AKAP9: variants seen among roughly 807,000 people sequenced by gnomAD.
The protein encoded by AKAP9 is A-kinase anchoring protein 9.
AKAP9 carries 311 observed loss-of-function variants against 488.5 expected under a neutral mutation model. The observed-to-expected ratio is 0.64, with a 90% CI of 0.58 to 0.70. The LOEUF (loss-of-function observed/expected upper bound fraction) is 0.70, where lower values mean the gene tolerates loss of function less well. Ranked by LOEUF, AKAP9 falls within the 30% of genes least tolerant of loss-of-function variation. The pLI is 0.00. For missense variants in AKAP9, 4,215 were observed against 4,374.5 expected (o/e 0.96, Z 1.03); for synonymous variants, 1,462 against 1,483.5 (o/e 0.99, Z 0.33).
intron 16 of AKAP9, among the ~76,000 whole-genome samples, chr7:92,035,625 T>TA (rs34999518): frequency 0.014 from 2,188 of 152,318 alleles, 45 homozygotes; most frequent in African/African-American, 0.05. Flanking sequence ...GTGAATTTTT[T>TA]AAAAAAATAG....
At chr7:92,014,468 A>G (rs764779129) in intron 10 of AKAP9, 140 bp downstream of exon 10, 38 of 665,858 alleles carry the variant, frequency 5.7e-5, no homozygotes, top group Non-Finnish European at 9.4e-5. Context: ...TCTCTACCAA[A>G]AAATACAAAA....
At chr7:91,953,115 A>G (rs891404398) in intron 1 of AKAP9, among the ~76,000 whole-genome samples, 8 of 152,236 alleles carry the variant, frequency 5.3e-5, no homozygotes, top group African/African-American at 1.9e-4. Flanking sequence ...AGTACAAATG[A>G]CAGACAGTGA....
intron 1 of AKAP9, among the ~76,000 whole-genome samples, chr7:91,971,408 T>G (rs1795055744): frequency 6.6e-6 from 1 of 152,114 alleles, no homozygotes; most frequent in Admixed American, 6.6e-5. Context: ...CTAATTTCCT[T>G]TAAACTGCTG....
At chr7:92,102,472 C>G (rs1401410296) in intron 45 of AKAP9, 122 bp from the exon 46 acceptor site, 4 of 701,166 alleles carry the variant, frequency 5.7e-6, no homozygotes, top group Non-Finnish European at 1.0e-5. Flanking sequence ...ACTACTACTA[C>G]TACTACTACT....
At chr7:91,948,185 T>C (rs1477685146) in intron 1 of AKAP9, among the ~76,000 whole-genome samples, 1 of 152,258 alleles carries the variant, frequency 6.6e-6, no homozygotes, top group African/African-American at 2.4e-5. Flanking sequence ...TGTCCAATGA[T>C]AGGCATTTGG....
chr7:92,031,236 A>G (rs1250641696), intron 15 of AKAP9, among the ~76,000 whole-genome samples: 1 of 152,236 alleles, frequency 6.6e-6, no homozygotes, highest in Non-Finnish European at 1.5e-5. Context: ...ATATTTAAGT[A>G]TCCTTTTCCC....
intron 21 of AKAP9, among the ~76,000 whole-genome samples, chr7:92,049,483 C>T (rs182355366): frequency 3.5e-4 from 53 of 152,008 alleles, no homozygotes; most frequent in East Asian, 9.7e-4. Flanking sequence ...TGGTGGTGGG[C>T]GCCTGTAGTC....
intron 46 of AKAP9, among the ~76,000 whole-genome samples, chr7:92,103,718 A>T (rs1404650122): frequency 4.6e-5 from 7 of 151,988 alleles, no homozygotes; most frequent in African/African-American, 1.7e-4. Context: ...AAATCTGAAT[A>T]AGCCCATGAA....
intron 9 of AKAP9, among the ~76,000 whole-genome samples, chr7:92,013,556 T>TG (rs1203265772): frequency 1.3e-5 from 2 of 152,106 alleles, no homozygotes; most frequent in Non-Finnish European, 1.5e-5. Flanking sequence ...TGCGGTGAGT[T>TG]GGGGGAGGTA....
At position 92,078,964 on chromosome 7, in the gene AKAP9, G is replaced by T. The variant is rs1425627633; in HGVS notation, c.6946-115G>T. ...AATTAAGTAGTATGTCTGAGAAGTA[G>T]TGTATTATTTTTGTGTGTGATCATC... On this transcript the variant is annotated intron_variant, in intron 30 of 49. Transcript: ENST00000356239. 1.3e-5 allele frequency: 8 copies of T among 635,540 alleles called. No individual in the cohort carries two copies. The African/African-American group carries it at 1.5e-4, about 12-fold the overall frequency. The allele number at this position is 635,540 out of a possible 1,614,324, so 39.4% of individuals were successfully genotyped here.
rs751654728 is a variant in AKAP9 at position 92,001,295 on chromosome 7, A to T, written c.1378A>T (p.Met460Leu). Residue 460 changes from methionine (M) to leucine (L), a missense_variant, in exon 8 of 50, where the codon ATG (methionine) becomes TTG (leucine). By Grantham distance (15) the Met-to-Leu change is conservative. This residue lies in a region of AKAP9 where 2,361 missense variants were observed against 2,430.0 expected (regional missense o/e 0.97). Transcript: ENST00000356239. ...QELIRQHMAQ[M>L]EEMKTRHKGE... ...ATTAATAAGACAACACATGGCACAG[A>T]TGGAGGAAATGAAAACACGGCATAA... 6 of 1,613,922 alleles carry T rather than the reference A, an allele frequency of 3.7e-6. No homozygotes were observed. Among genetic ancestry groups the T allele is most frequent in the South Asian group, 1.1e-5 (1 of 91,090 alleles).
chr7:92,036,275 C>G (rs1336009981), intron 16 of AKAP9, among the ~76,000 whole-genome samples: 1 of 151,256 alleles, frequency 6.6e-6, no homozygotes, highest in Non-Finnish European at 1.5e-5. Context: ...TTAAGATCTT[C>G]TTTTTGATTT....
chr7:92,089,041 G>T (rs1007030410), intron 37 of AKAP9, among the ~76,000 whole-genome samples: 1 of 152,104 alleles, frequency 6.6e-6, no homozygotes, highest in East Asian at 1.9e-4. Context: ...AAAGACTTGG[G>T]AATATCACTT....
intron 21 of AKAP9, among the ~76,000 whole-genome samples, chr7:92,047,168 C>G (rs1225731329): frequency 1.3e-5 from 2 of 152,142 alleles, no homozygotes; most frequent in Non-Finnish European, 2.9e-5. Context: ...TCTAAATCTT[C>G]CAACACACAT....
At chr7:91,960,073 C>T (rs750563777) in intron 1 of AKAP9, among the ~76,000 whole-genome samples, 1 of 152,040 alleles carries the variant, frequency 6.6e-6, no homozygotes, top group South Asian at 2.1e-4. Flanking sequence ...ATACTAAAAA[C>T]GTTTAAAGGC....
intron 27 of AKAP9, among the ~76,000 whole-genome samples, chr7:92,070,551 C>CA (rs909504202): frequency 5.3e-5 from 8 of 152,202 alleles, no homozygotes; most frequent in African/African-American, 1.9e-4. Flanking sequence ...TCTTCTGCCT[C>CA]AGCCTCCCAA....
rs1387536258 is a variant in AKAP9 at position 92,001,441 on chromosome 7, A to G, written c.1524A>G (p.Gln508=). The G allele has an allele frequency of 1.9e-6, 3 of 1,613,742 alleles. No individual in the cohort carries two copies. Among genetic ancestry groups the G allele is most frequent in the Non-Finnish European group, 2.5e-6 (3 of 1,179,850 alleles). The change falls in exon 8 of 50, where the codon CAA becomes CAG. Residue 508 remains glutamine (Q), a synonymous_variant. Transcript: ENST00000356239. The part of the protein sequence containing the change: ...LNIKLQDTNS[Q]KEKLKEELGL... ...TAAAATTGCAAGATACTAACTCTCAAAAGGAAAAACTCAAGGAAGAACTAG... is the reference window on the plus strand; with the variant it reads ...TAAAATTGCAAGATACTAACTCTCAGAAGGAAAAACTCAAGGAAGAACTAG...
intron 17 of AKAP9, among the ~76,000 whole-genome samples, chr7:92,040,438 A>G (rs1479025042): frequency 6.6e-6 from 1 of 152,150 alleles, no homozygotes; most frequent in Non-Finnish European, 1.5e-5. Context: ...ACTAATTGAT[A>G]AATAGCTGTT....
intron 38 of AKAP9, 96 bp downstream of exon 38, chr7:92,089,625 T>C: frequency 7.6e-7 from 1 of 1,321,252 alleles, no homozygotes; most frequent in South Asian, 1.3e-5. Flanking sequence ...ACATATTTTC[T>C]TGGTCACATT....
Sources: allele counts gnomAD v4.1 joint callset (sites outside exome capture counted in the v4.1 genomes callset), GRCh38; gene constraint gnomAD v4.1.1; regional missense constraint gnomAD v4.1.1; transcripts MANE v1.5; gene names NCBI Gene and HGNC (gene_info 2026-07-23, HGNC 2026-07-21).